Variants in PDLIM5 observed in about 807,000 individuals in gnomAD.
PDLIM5 encodes PDZ and LIM domain protein 5.
A neutral mutation model predicts 64.2 loss-of-function variants in PDLIM5; 34 were observed. That is an observed-to-expected ratio of 0.53 (90% CI 0.40 to 0.71). The LOEUF (loss-of-function observed/expected upper bound fraction) is 0.71. Ranked by LOEUF, PDLIM5 falls within the 30% of genes least tolerant of loss-of-function variation. The pLI, the probability that PDLIM5 is intolerant of heterozygous loss-of-function variation, is 0.00. For synonymous variants in PDLIM5, 253 were observed against 269.1 expected (o/e 0.94, Z 0.59); for missense variants, 683 against 733.6 (o/e 0.93, Z 0.80).
At chr4:94,532,266 A>G (rs929126739) in intron 3 of PDLIM5, among the ~76,000 whole-genome samples, 1 of 152,330 alleles carries the variant, frequency 6.6e-6, no homozygotes, top group South Asian at 2.1e-4. Flanking sequence ...CCTTTAGACC[A>G]TCATTATGAG....
At chr4:94,548,155 G>C (rs760829362) in intron 3 of PDLIM5, among the ~76,000 whole-genome samples, 2 of 151,954 alleles carry the variant, frequency 1.3e-5, no homozygotes, top group African/African-American at 4.8e-5. Context: ...GTGTGTGCTC[G>C]AGCACTTTTG....
Position 94,511,557 on chromosome 4 carries a change from C to A in PDLIM5, c.97-12167C>A, listed in dbSNP as rs188100556. Reference sequence around the variant, plus strand: ...GTACTATCAAGTAGTAAGTCTCATACATTCCTTTTAAATATTTTTTACTCA... The same window carrying A: ...GTACTATCAAGTAGTAAGTCTCATAAATTCCTTTTAAATATTTTTTACTCA... On this transcript the variant is annotated intron_variant, in intron 2 of 12. Transcript: ENST00000317968. 1.6e-4 allele frequency among the ~76,000 whole-genome samples: 25 copies of A among 151,580 alleles called. No individual in the cohort carries two copies. The East Asian group carries it at 4.5e-3, about 27-fold the overall frequency.
At chr4:94,513,479 T>A (rs1180137437) in intron 2 of PDLIM5, among the ~76,000 whole-genome samples, 1 of 152,206 alleles carries the variant, frequency 6.6e-6, no homozygotes, top group Non-Finnish European at 1.5e-5. Context: ...TTAATTTAAT[T>A]TGTGGCTGTT....
At chr4:94,663,937 T>G in intron 12 of PDLIM5, 41 bp from the exon 13 acceptor site, 1 of 1,578,472 alleles carries the variant, frequency 6.3e-7, no homozygotes, top group Non-Finnish European at 8.6e-7. Context: ...CCTCTTAATA[T>G]CCTCTTAAAT....
chr4:94,526,234 C>G (rs1730340307), intron 3 of PDLIM5, among the ~76,000 whole-genome samples: 1 of 152,176 alleles, frequency 6.6e-6, no homozygotes, highest in African/African-American at 2.4e-5. Context: ...TTCTGAGCCC[C>G]ATAAGAGTAG....
intron 3 of PDLIM5, among the ~76,000 whole-genome samples, chr4:94,529,572 G>T (rs1252777143): frequency 2.6e-5 from 4 of 152,088 alleles, no homozygotes; most frequent in Non-Finnish European, 5.9e-5. Flanking sequence ...ACTTGCTTGA[G>T]TCTGGTGGTT....
At position 94,575,829 on chromosome 4, in the gene PDLIM5, G is replaced by T; in HGVS notation, c.505G>T (p.Val169Phe). 6.2e-7 allele frequency: 1 copy of T among 1,614,038 alleles called. No homozygotes were observed. ...SHASPSPVAA[V>F]TPPLFAASGL... Reference sequence around the variant, plus strand: ...TGCTTCCCCTTCACCCGTGGCTGCCGTCACTCCTCCCCTGTTCGCTGCATC... The same window carrying T: ...TGCTTCCCCTTCACCCGTGGCTGCCTTCACTCCTCCCCTGTTCGCTGCATC... Residue 169 changes from valine to phenylalanine, a missense_variant, in exon 5 of 13, where the codon GTC (valine) becomes TTC (phenylalanine). Transcript: ENST00000317968.
At chr4:94,586,900 A>G (rs1213424168) in intron 7 of PDLIM5, 5 of 1,185,066 alleles carry the variant, frequency 4.2e-6, no homozygotes, top group Non-Finnish European at 5.8e-6. Context: ...TGTTTTCTGC[A>G]TGATGGAATT....
In PDLIM5 at chr4:94,616,025, C is replaced by T. The variant is rs112799625; in HGVS notation, c.921-1979C>T. Among the ~76,000 whole-genome samples the T allele has an allele frequency of 6.6e-3, 1,011 of 152,220 alleles. 12 individuals are homozygous for T. The highest frequency in any genetic ancestry group is 0.023 in the African/African-American group (960 of 41,534). ...TAAGTCAGTTTGTCTGGCAGCTCTC[C>T]TGGAATTAAATTTTGATTCTTTCAG... On this transcript the variant is annotated intron_variant, in intron 7 of 12. Transcript: ENST00000317968.
intron 3 of PDLIM5, among the ~76,000 whole-genome samples, chr4:94,524,929 T>C (rs1260891657): frequency 6.6e-6 from 1 of 152,148 alleles, no homozygotes; most frequent in South Asian, 2.1e-4. Context: ...AGCTTTATAA[T>C]GAAGGTAGCT....
rs11937838 is a variant in PDLIM5 at position 94,650,718 on chromosome 4, G to T, written c.1284-3742G>T. ...GCTAAATCCCAGTTAGGTTGTGCCT[G>T]TTGAAATCTGAGTTCCTTTCACCTT... is the stretch of plus-strand genomic sequence containing the variant. On this transcript the variant is annotated intron_variant, in intron 9 of 12. Transcript: ENST00000317968. Among the ~76,000 whole-genome samples, 761 of 152,316 alleles carry T rather than the reference G, an allele frequency of 5.0e-3. 3 individuals are homozygous for T. The highest frequency in any genetic ancestry group is 0.017 in the African/African-American group (711 of 41,586).
Position 94,452,597 on chromosome 4 carries a change from A to G in PDLIM5, c.-43+602A>G, listed in dbSNP as rs28716774. Among the ~76,000 whole-genome samples, 773 of 152,346 alleles carry G rather than the reference A, an allele frequency of 5.1e-3. 14 individuals are homozygous for G. The highest frequency in any genetic ancestry group is 0.018 in the African/African-American group (743 of 41,576). ...CGTTTAAGAAACACATTTGTCATGA[A>G]CACGAGATTTGTTAACACTTGAGTA... On this transcript the variant is annotated intron_variant, in intron 1 of 12. Coordinates refer to ENST00000317968, the MANE Select transcript of PDLIM5 (RefSeq NM_006457.5).
At chr4:94,466,732 C>G (rs1309344027) in intron 2 of PDLIM5, among the ~76,000 whole-genome samples, 2 of 152,122 alleles carry the variant, frequency 1.3e-5, no homozygotes, top group Non-Finnish European at 2.9e-5. Flanking sequence ...AGTTCAGTCA[C>G]CATAGGTCAA....
At chr4:94,540,652 A>C (rs1315267314) in intron 3 of PDLIM5, among the ~76,000 whole-genome samples, 1 of 152,156 alleles carries the variant, frequency 6.6e-6, no homozygotes, top group Admixed American at 6.5e-5. Flanking sequence ...ATGAGTGTTG[A>C]AAGTCCTAAA....
chr4:94,460,870 A>G (rs3805312), intron 2 of PDLIM5, among the ~76,000 whole-genome samples: 1 of 152,226 alleles, frequency 6.6e-6, no homozygotes, highest in East Asian at 1.9e-4. Flanking sequence ...TAAATTAAAA[A>G]GTATACAGGT....
intron 3 of PDLIM5, among the ~76,000 whole-genome samples, chr4:94,554,192 C>T (rs1733055210): frequency 6.6e-6 from 1 of 152,154 alleles, no homozygotes; most frequent in Non-Finnish European, 1.5e-5. Flanking sequence ...ATCTTCCATC[C>T]AGAGACAATG....
intron 7 of PDLIM5, among the ~76,000 whole-genome samples, chr4:94,615,064 C>T (rs1025112621): frequency 6.6e-6 from 1 of 152,142 alleles, no homozygotes; most frequent in African/African-American, 2.4e-5. Context: ...CTGCTGGGCA[C>T]TGTGCTAAGT....
intron 8 of PDLIM5, among the ~76,000 whole-genome samples, chr4:94,620,630 T>G (rs1739145550): frequency 6.6e-6 from 1 of 152,164 alleles, no homozygotes; most frequent in Admixed American, 6.5e-5. Flanking sequence ...GGAATCCATC[T>G]TTGTTTTTGT....
chr4:94,494,432 G>GTTTTTTTTTTTTTTTTTTTTTTTT (rs61675663), intron 2 of PDLIM5, among the ~76,000 whole-genome samples: 4 of 70,770 alleles, frequency 5.7e-5, no homozygotes, highest in African/African-American at 8.8e-5. Flanking sequence ...TTTTTTTCTT[G>GTTTTTTTTTTTTTTTTTTTTTTTT]TTTTTTTTTT....
Sources: allele counts gnomAD v4.1 joint callset (sites outside exome capture counted in the v4.1 genomes callset), GRCh38; gene constraint gnomAD v4.1.1; transcripts MANE v1.5; gene names NCBI Gene and HGNC (gene_info 2026-07-23, HGNC 2026-07-21).